EXD1: variants seen among roughly 807,000 people sequenced by gnomAD.
EXD1 encodes exonuclease 3'-5' domain containing 1.
A neutral mutation model predicts 49.1 loss-of-function variants in EXD1; 63 were observed. That is an observed-to-expected ratio of 1.28 (90% CI 1.05 to 1.58). The LOEUF is 1.58. Ranked by LOEUF, EXD1 falls within the 40% of genes most tolerant of loss-of-function variation. The probability of loss-of-function intolerance (pLI) is 0.00; values close to 1 mark genes in which losing one functional copy is unlikely to be tolerated. For missense variants in EXD1, 748 were observed against 666.0 expected, an observed-to-expected ratio of 1.12 and a Z score of -1.36; for synonymous variants, 234 against 239.2, an observed-to-expected ratio of 0.98 and a Z score of 0.20.
chr15:41,189,096 G>T (rs559306697), intron 11 of EXD1, among the ~76,000 whole-genome samples: 1 of 152,058 alleles, frequency 6.6e-6, no homozygotes, highest in East Asian at 1.9e-4. Context: ...GGCCAAGCAC[G>T]GTGGCTTATG....
intron 2 of EXD1, among the ~76,000 whole-genome samples, chr15:41,221,059 T>C (rs11855102): frequency 0.52 from 78,858 of 151,884 alleles, 22,408 homozygotes; most frequent in African/African-American, 0.77. Flanking sequence ...TCTTTTCCTA[T>C]TAACTACCTA....
At chr15:41,230,243 C>T (rs1056438356) in intron 1 of EXD1, among the ~76,000 whole-genome samples, 1 of 151,872 alleles carries the variant, frequency 6.6e-6, no homozygotes, top group African/African-American at 2.4e-5. Context: ...GGCACCACAC[C>T]CGGATAATTT....
In EXD1 at chr15:41,190,041, GA is replaced by G. The variant is rs775005410; in HGVS notation, c.951del (p.Arg318AlafsTer5). 6.2e-7 allele frequency: 1 copy of G among 1,614,132 alleles called. No individual in the cohort carries two copies. The highest frequency in any genetic ancestry group is 1.3e-5 in the African/African-American group (1 of 75,036). On this transcript the variant is annotated frameshift_variant, in exon 11 of 12. Transcript: ENST00000458580. LOFTEE classifies it high-confidence loss of function. The stretch of plus-strand genomic sequence containing the variant: ...ATCATCTCATCTAGGAGTGCCAAGC[GA>G]AGGGGTAACAGGTAGGTAGCTTCCA... ...LALEATYLLP[L>X]RLALLDEMMS...
intron 3 of EXD1, chr15:41,219,616 G>GT (rs1228928683): frequency 2.3e-6 from 1 of 427,142 alleles, no homozygotes. Flanking sequence ...CGAGTCCGTA[G>GT]TGATAAGCAC....
In EXD1 at chr15:41,183,781, AG is replaced by A. The variant is rs2140783825; in HGVS notation, c.*149del. On this transcript the variant is annotated 3_prime_UTR_variant, in exon 12 of 12. Coordinates refer to ENST00000458580, the MANE Select transcript of EXD1 (RefSeq NM_001286441.2). ...TATTCATTCTCATTCTCCGCATACC[AG>A]GAACACAGGAGTAAGCAAGAGGATA... is the stretch of plus-strand genomic sequence containing the variant. The A allele has an allele frequency of 1.6e-6, 1 of 635,322 alleles. No individual in the cohort carries two copies. Among genetic ancestry groups the A allele is most frequent in the African/African-American group, 1.8e-5 (1 of 54,136 alleles). The allele number at this position is 635,322 out of a possible 1,614,324, so 39.4% of individuals were successfully genotyped here. A position where few individuals can be genotyped will look rare whatever the true frequency, so the allele number is the denominator to read the frequency against.
chr15:41,191,730 G>A, intron 9 of EXD1, 145 bp from the exon 10 acceptor site: 1 of 727,834 alleles, frequency 1.4e-6, no homozygotes, highest in Non-Finnish European at 2.1e-6. Flanking sequence ...ATTTAAAGTT[G>A]TTCAGCCAAC....
At chr15:41,193,679 A>G (rs1322918941) in intron 9 of EXD1, among the ~76,000 whole-genome samples, 1 of 152,054 alleles carries the variant, frequency 6.6e-6, no homozygotes, top group African/African-American at 2.4e-5. Flanking sequence ...CTTCGAGGCC[A>G]CATTAGCAGA....
At chr15:41,215,657 AC>A in intron 6 of EXD1, 117 bp downstream of exon 6, 1 of 1,041,856 alleles carries the variant, frequency 9.6e-7, no homozygotes, top group East Asian at 2.5e-5. Context: ...CTGCACTCCA[AC>A]CTGGGCGATA....
chr15:41,205,508 T>A (rs1263862790), intron 7 of EXD1, among the ~76,000 whole-genome samples: 2 of 152,194 alleles, frequency 1.3e-5, no homozygotes, highest in East Asian at 3.8e-4. Flanking sequence ...TTGGGTGCAG[T>A]GGCTCATGCC....
chr15:41,216,345 G>A (rs960896126), intron 5 of EXD1, among the ~76,000 whole-genome samples: 13 of 151,278 alleles, frequency 8.6e-5, no homozygotes, highest in African/African-American at 3.2e-4. Flanking sequence ...AAAATTCAGA[G>A]CCTCGGCTGG....
intron 2 of EXD1, among the ~76,000 whole-genome samples, chr15:41,220,145 G>A (rs2047064157): frequency 3.9e-5 from 6 of 151,968 alleles, no homozygotes; most frequent in Non-Finnish European, 8.8e-5. Flanking sequence ...AAAAAGGATA[G>A]TACACTGAAT....
chr15:41,224,088 C>T (rs575374709), intron 2 of EXD1, among the ~76,000 whole-genome samples: 6 of 151,744 alleles, frequency 4.0e-5, no homozygotes, highest in African/African-American at 1.4e-4. Flanking sequence ...TACAGGTGCC[C>T]GCCACCATGC....
chr15:41,205,388 A>G (rs1251418128), intron 7 of EXD1, among the ~76,000 whole-genome samples: 1 of 152,198 alleles, frequency 6.6e-6, no homozygotes, highest in African/African-American at 2.4e-5. Flanking sequence ...CACATGCATG[A>G]GAAACCATGC....
chr15:41,199,547 G>T (rs918368167), intron 7 of EXD1, among the ~76,000 whole-genome samples: 6 of 147,266 alleles, frequency 4.1e-5, no homozygotes, highest in Admixed American at 1.4e-4. Context: ...CCATCTAAGA[G>T]TTTATCTGTA....
chr15:41,209,243 G>A (rs2140878014), intron 7 of EXD1, among the ~76,000 whole-genome samples: 1 of 152,146 alleles, frequency 6.6e-6, no homozygotes, highest in South Asian at 2.1e-4. Context: ...GGGCAACACA[G>A]CAAGACCCCA....
At chr15:41,203,174 C>T (rs560649944) in intron 7 of EXD1, among the ~76,000 whole-genome samples, 1 of 152,108 alleles carries the variant, frequency 6.6e-6, no homozygotes, top group South Asian at 2.1e-4. Flanking sequence ...ATTAAAGGTG[C>T]CAGATACTAA....
Position 41,219,960 on chromosome 15 carries a change from T to C in EXD1, c.134-62A>G, listed in dbSNP as rs1302933350. ...ATTTTCCTAAAACTCTAAGAAAATA[T>C]GATGCCTCTCAAAATTTCCCAAGTC... is the stretch of plus-strand genomic sequence containing the variant. On this transcript the variant is annotated intron_variant, in intron 2 of 11. Transcript: ENST00000458580. 5.3e-6 allele frequency: 7 copies of C among 1,329,062 alleles called. No homozygotes were observed. In the Middle Eastern group the frequency reaches 7.3e-4, roughly 138 times the overall value. The allele number at this position is 1,329,062 out of a possible 1,614,324, so 82.3% of individuals were successfully genotyped here.
intron 1 of EXD1, among the ~76,000 whole-genome samples, chr15:41,227,445 A>T (rs573889519): frequency 6.6e-6 from 1 of 152,174 alleles, no homozygotes; most frequent in Non-Finnish European, 1.5e-5. Flanking sequence ...CGAGGTGGGC[A>T]GATAATCTGA....
Position 41,211,795 on chromosome 15 carries a change from T to TAAA in EXD1, c.448-2211_448-2209dup, listed in dbSNP as rs57945609. 2.5e-5 allele frequency among the ~76,000 whole-genome samples: 3 copies of TAAA among 119,630 alleles called. 1 individual carries two copies. Among genetic ancestry groups the TAAA allele is most frequent in the African/African-American group, 6.8e-5 (2 of 29,342 alleles). 78.5% of individuals were successfully genotyped at this position (119,630 alleles called of 152,430 possible). A position where few individuals can be genotyped will look rare whatever the true frequency, so the allele number is the denominator to read the frequency against. ...GGGAACACAACAAGACCTCATTTCT[T>TAAA]AAAAAAAAAAAAAAAAAAGAGCTGG... On this transcript the variant is annotated intron_variant, in intron 6 of 11. Coordinates refer to ENST00000458580, the MANE Select transcript of EXD1 (RefSeq NM_001286441.2).
Sources: gnomAD v4.1 joint callset for allele counts (sites outside exome capture counted in the v4.1 genomes callset) on GRCh38, gnomAD v4.1.1 for gene constraint, MANE v1.5 for transcripts, NCBI Gene and HGNC (gene_info 2026-07-23, HGNC 2026-07-21) for gene names.